Variants in CHGA observed in about 807,000 individuals in gnomAD.
CHGA encodes chromogranin-A.
In CHGA, 41 loss-of-function variants were observed where a neutral mutation model predicts 54.4. That is an observed-to-expected ratio of 0.75 (90% confidence interval 0.59 to 0.98). CHGA has a LOEUF of 0.98. Among genes scored for constraint, CHGA ranks in the 50% least tolerant of loss-of-function variants. The pLI is 0.00. For missense variants in CHGA, 576 were observed against 582.3 expected, an observed-to-expected ratio of 0.99 and a Z score of 0.11; for synonymous variants, 249 against 232.8, an observed-to-expected ratio of 1.07 and a Z score of -0.63.
At chr14:92,924,423 T>A (rs1886847862) in intron 2 of CHGA, among the ~76,000 whole-genome samples, 178 bp downstream of exon 2, 1 of 152,264 alleles carries the variant, frequency 6.6e-6, no homozygotes, top group Admixed American at 6.5e-5. Flanking sequence ...CCTGCTGTCC[T>A]GCTGTGGGGA....
At position 92,932,460 on chromosome 14, in the gene CHGA, C is replaced by A. The variant is rs753407523; in HGVS notation, c.899C>A (p.Ser300Tyr). ...GAAGGGAAGGGAGAACAGGAGCACTCCCAGCAGAAAGAGGAGGAGGAGGAG... is the reference window on the plus strand; with the variant it reads ...GAAGGGAAGGGAGAACAGGAGCACTACCAGCAGAAAGAGGAGGAGGAGGAG... ...DPEGKGEQEHSQQKEEEEEMA... is the reference protein window; with the variant it reads ...DPEGKGEQEHYQQKEEEEEMA... The change falls in exon 7 of 8, where the codon TCC becomes TAC. Residue 300 changes from serine to tyrosine, a missense_variant. Coordinates refer to ENST00000216492, the MANE Select transcript of CHGA (RefSeq NM_001275.4). This position sits in a 1 kb window ranked among gnomAD's most constrained non-coding sequence, Gnocchi z 5.3. The A allele has an allele frequency of 3.8e-6, 6 of 1,558,934 alleles. No individual in the cohort carries two copies. Among genetic ancestry groups the A allele is most frequent in the Non-Finnish European group, 5.2e-6 (6 of 1,151,250 alleles).
In CHGA at chr14:92,932,380, G is replaced by A; in HGVS notation, c.819G>A (p.Glu273=). 6.3e-7 allele frequency: 1 copy of A among 1,583,680 alleles called. No homozygotes were observed. The highest frequency in any genetic ancestry group is 8.6e-7 in the Non-Finnish European group (1 of 1,165,636). Reference sequence around the variant, plus strand: ...CACCACCTGCTCCAGGTCGGTCGGAGGCTCTGGCTGTGGATGGAGCTGGGA... The same window carrying A: ...CACCACCTGCTCCAGGTCGGTCGGAAGCTCTGGCTGTGGATGGAGCTGGGA... ...KEIRKGESRS[E]ALAVDGAGKP... is the part of the protein sequence containing the mutation. The change falls in exon 7 of 8, where the codon GAG becomes GAA. Residue 273 remains glutamate, a synonymous_variant. Transcript: ENST00000216492. This position sits in a 1 kb window ranked among gnomAD's most constrained non-coding sequence, Gnocchi z 5.3.
chr14:92,933,490 G>A (rs1447105073), intron 7 of CHGA, among the ~76,000 whole-genome samples: 1 of 152,166 alleles, frequency 6.6e-6, no homozygotes, highest in East Asian at 1.9e-4. Flanking sequence ...GAAGACAAAT[G>A]GGGCGTGGGG....
intron 2 of CHGA, among the ~76,000 whole-genome samples, chr14:92,925,326 A>T (rs1477175909): frequency 6.6e-6 from 1 of 152,108 alleles, no homozygotes; most frequent in East Asian, 1.9e-4. Context: ...TGCCCTCTCG[A>T]ACAGGTGGTT....
In CHGA at chr14:92,931,413, A is replaced by C; in HGVS notation, c.519A>C (p.Glu173Asp). 6.2e-7 allele frequency: 1 copy of C among 1,609,550 alleles called. No homozygotes were observed. Among genetic ancestry groups the C allele is most frequent in the Non-Finnish European group, 8.5e-7 (1 of 1,178,342 alleles). The change falls in exon 6 of 8, where the codon GAA (glutamate) becomes GAC (aspartate). Residue 173 changes from glutamate to aspartate, a missense_variant. Transcript: ENST00000216492. ...GGAACAATCAGGCCCCTGGGGAGGA[A>C]GAGGAGGAGGAGGAGGAGGCCACCA... ...AEGNNQAPGE[E>D]EEEEEEATNT...
chr14:92,932,103 C>A lies in CHGA; in HGVS notation c.809-267C>A, dbSNP rs1887011383. The A allele has an allele frequency of 2.1e-6, 1 of 467,536 alleles. No individual in the cohort carries two copies. The highest frequency in any genetic ancestry group is 3.8e-6 in the Non-Finnish European group (1 of 262,794). 29.0% of individuals were successfully genotyped at this position (467,536 alleles called of 1,614,324 possible). A position where few individuals can be genotyped will look rare whatever the true frequency, so the allele number is the denominator to read the frequency against. ...GGTTTAGGAGAGGCCCTGGCTCCCG[C>A]TGCGGGCCTGTCAGGGTCTTTCCTC... On this transcript the variant is annotated intron_variant, in intron 6 of 7. Coordinates refer to ENST00000216492, the MANE Select transcript of CHGA (RefSeq NM_001275.4). This position sits in a 1 kb window ranked among gnomAD's most constrained non-coding sequence, Gnocchi z 5.3.
rs545457270 is a variant in CHGA at position 92,926,664 on chromosome 14, T to C, written c.153T>C (p.Pro51=). 2.5e-6 allele frequency: 4 copies of C among 1,614,010 alleles called. No individual in the cohort carries two copies. The South Asian group carries it at 4.4e-5, about 18-fold the overall frequency. Residue 51 remains proline, a synonymous_variant, in exon 3 of 8, where the codon CCT becomes CCC. Transcript: ENST00000216492. ...SDTLSKPSPM[P]VSQECFETLR... Reference sequence around the variant, plus strand: ...CACTTTCCAAGCCCAGCCCCATGCCTGTCAGCCAGGAATGTTTTGAGACAC... The same window carrying C: ...CACTTTCCAAGCCCAGCCCCATGCCCGTCAGCCAGGAATGTTTTGAGACAC...
At chr14:92,924,683 C>G (rs982856336) in intron 2 of CHGA, among the ~76,000 whole-genome samples, 4 of 152,252 alleles carry the variant, frequency 2.6e-5, no homozygotes, top group African/African-American at 9.6e-5. Flanking sequence ...AACCCACACC[C>G]AGCAGGCTCT....
At position 92,931,596 on chromosome 14, in the gene CHGA, GGAGGAGGCTGAGGCTGGA is replaced by G; in HGVS notation, c.713_730del (p.Glu238_Ala243del). 1.2e-6 allele frequency: 2 copies of G among 1,613,460 alleles called. No individual in the cohort carries two copies. Among genetic ancestry groups the G allele is most frequent in the Admixed American group, 1.7e-5 (1 of 59,994 alleles). On this transcript the variant is annotated inframe_deletion, in exon 6 of 8. Transcript: ENST00000216492. ...AGAGAGAAGAGGAGGAGGAGGAGGA[GGAGGAGGCTGAGGCTGGA>G]GAGGAGGCTGTCCCCGAGGAAGAAG...
chr14:92,925,732 A>G (rs1393880525), intron 2 of CHGA, among the ~76,000 whole-genome samples: 1 of 152,128 alleles, frequency 6.6e-6, no homozygotes, highest in Non-Finnish European at 1.5e-5. Flanking sequence ...TCCATGCTTG[A>G]AAGAGTGTTT....
chr14:92,933,493 G>A (rs1165126547), intron 7 of CHGA, among the ~76,000 whole-genome samples: 1 of 152,178 alleles, frequency 6.6e-6, no homozygotes, highest in African/African-American at 2.4e-5. Context: ...GACAAATGGG[G>A]CGTGGGGACA....
At position 92,935,093 on chromosome 14, in the gene CHGA, C is replaced by A; in HGVS notation, c.*209C>A. Reference sequence around the variant, plus strand: ...CCCTGGAACATCCTTTGCAGGGCAGCCCCACAACTTTAAACATTGACGATT... The same window carrying A: ...CCCTGGAACATCCTTTGCAGGGCAGACCCACAACTTTAAACATTGACGATT... On this transcript the variant is annotated 3_prime_UTR_variant, in exon 8 of 8. Coordinates refer to ENST00000216492, the MANE Select transcript of CHGA (RefSeq NM_001275.4). 1 of 518,104 alleles carries A rather than the reference C, an allele frequency of 1.9e-6. No homozygotes were observed. Among genetic ancestry groups the A allele is most frequent in the Non-Finnish European group, 3.4e-6 (1 of 298,504 alleles). 32.1% of individuals were successfully genotyped at this position (518,104 alleles called of 1,614,324 possible).
At position 92,932,727 on chromosome 14, in the gene CHGA, A is replaced by G. The variant is rs1566675742; in HGVS notation, c.1166A>G (p.Gln389Arg). ...RAYGFRGPGP[Q>R]LRRGWRPSSR... ...TACGGCTTCAGGGGCCCTGGGCCGC[A>G]GCTGCGACGAGGCTGGAGGCCATCC... The change falls in exon 7 of 8, where the codon CAG becomes CGG. Residue 389 changes from glutamine to arginine, a missense_variant. Physicochemically the swap from Gln to Arg is conservative, Grantham distance 43. Coordinates refer to ENST00000216492, the MANE Select transcript of CHGA (RefSeq NM_001275.4). This position sits in a 1 kb window ranked among gnomAD's most constrained non-coding sequence, Gnocchi z 5.3. 2.5e-6 allele frequency: 4 copies of G among 1,610,708 alleles called. No homozygotes were observed. Among genetic ancestry groups the G allele is most frequent in the Non-Finnish European group, 2.5e-6 (3 of 1,179,376 alleles).
intron 5 of CHGA, 120 bp downstream of exon 5, chr14:92,929,935 C>T (rs1886962613): frequency 2.7e-6 from 2 of 748,692 alleles, no homozygotes; most frequent in South Asian, 1.6e-5. Context: ...TTATTTCCCT[C>T]TCTCTACAAA....
intron 5 of CHGA, 82 bp from the exon 6 acceptor site, chr14:92,931,162 TAATGAG>T: frequency 7.3e-7 from 1 of 1,364,880 alleles, no homozygotes; most frequent in Non-Finnish European, 1.0e-6. Context: ...CCAAGAAACA[TAATGAG>T]TAACATCTGA....
intron 7 of CHGA, chr14:92,933,080 G>A (rs1887046805): frequency 3.6e-6 from 2 of 556,968 alleles, no homozygotes; most frequent in Admixed American, 3.6e-5. Flanking sequence ...TCAGCCTGTG[G>A]CAGCGGGGGA....
At position 92,931,574 on chromosome 14, in the gene CHGA, G is replaced by GAGA. The variant is rs749156232; in HGVS notation, c.684_686dup (p.Glu236dup). On this transcript the variant is annotated inframe_insertion, in exon 6 of 8. Transcript: ENST00000216492. ...GCAGAGCCAGGGTGGCAGGCAAAGA[G>GAGA]AGAAGAGGAGGAGGAGGAGGAGGAG... 10 of 1,612,638 alleles carry GAGA rather than the reference G, an allele frequency of 6.2e-6. No individual in the cohort carries two copies. Among genetic ancestry groups the GAGA allele is most frequent in the South Asian group, 2.2e-5 (2 of 90,998 alleles).
In CHGA at chr14:92,926,511, C is replaced by A. The variant is rs542883759; in HGVS notation, c.94-94C>A. 168 of 997,064 alleles carry A rather than the reference C, an allele frequency of 1.7e-4. 2 individuals are homozygous for A. The South Asian group carries it at 2.1e-3, about 13-fold the overall frequency. 61.8% of individuals were successfully genotyped at this position (997,064 alleles called of 1,614,324 possible). A position where few individuals can be genotyped will look rare whatever the true frequency, so the allele number is the denominator to read the frequency against. On this transcript the variant is annotated intron_variant, in intron 2 of 7. Transcript: ENST00000216492. Reference sequence around the variant, plus strand: ...GGACTCCCAAAGACAAAAGCAAATACCCTCTGTCCTCACTAGAAATTCACC... The same window carrying A: ...GGACTCCCAAAGACAAAAGCAAATAACCTCTGTCCTCACTAGAAATTCACC...
In CHGA at chr14:92,923,261, G is replaced by A; in HGVS notation, c.-99G>A. ...ACTGCGCCCCCAGCCCCGCGCCGGT[G>A]CCACCGCAGCCCGACCCCGGCCGCC... On this transcript the variant is annotated 5_prime_UTR_variant, in exon 1 of 8. Transcript: ENST00000216492. 1 of 1,123,540 alleles carries A rather than the reference G, an allele frequency of 8.9e-7. No homozygotes were observed. The highest frequency in any genetic ancestry group is 3.9e-5 in the South Asian group (1 of 25,764). 69.6% of individuals were successfully genotyped at this position (1,123,540 alleles called of 1,614,324 possible). A position where few individuals can be genotyped will look rare whatever the true frequency, so the allele number is the denominator to read the frequency against.
Sources: allele counts gnomAD v4.1 joint callset (sites outside exome capture counted in the v4.1 genomes callset), GRCh38; gene constraint gnomAD v4.1.1; non-coding constraint Gnocchi (gnomAD v3.1); transcripts MANE v1.5; gene names NCBI Gene and HGNC (gene_info 2026-07-23, HGNC 2026-07-21).